Variants in TTBK2 observed in about 807,000 individuals in gnomAD.
The protein encoded by TTBK2 is tau-tubulin kinase 2.
In TTBK2, 28 loss-of-function variants were observed where a neutral mutation model predicts 110.8. The ratio of observed to expected loss-of-function variants is 0.25; its 90% CI spans 0.19 to 0.35. TTBK2 has a LOEUF of 0.35. TTBK2 is among the 10% of genes least tolerant of loss of function. The probability of loss-of-function intolerance (pLI) is 1.00; values close to 1 mark genes in which losing one functional copy is unlikely to be tolerated. For synonymous variants in TTBK2, 532 were observed against 527.3 expected, an observed-to-expected ratio of 1.01 and a Z score of -0.12; for missense variants, 1,369 against 1,500.3, an observed-to-expected ratio of 0.91 and a Z score of 1.45.
At chr15:42,784,110 G>C (rs1478974591) in intron 10 of TTBK2, among the ~76,000 whole-genome samples, 2 of 151,378 alleles carry the variant, frequency 1.3e-5, no homozygotes, top group Admixed American at 6.6e-5. Flanking sequence ...AAAAAACTTA[G>C]GTCATGCCAA....
At position 42,915,350 on chromosome 15, in the gene TTBK2, T is replaced by C. The variant is rs554619027; in HGVS notation, c.-68+5088A>G. Reference sequence around the variant, plus strand: ...CACTGTCTCAGTATAGCAGTGCTTGTGTTCAAGTAACTAACTCTTATTTTA... The same window carrying C: ...CACTGTCTCAGTATAGCAGTGCTTGCGTTCAAGTAACTAACTCTTATTTTA... On this transcript the variant is annotated intron_variant, in intron 1 of 14. Coordinates refer to ENST00000267890, the MANE Select transcript of TTBK2 (RefSeq NM_173500.4). Among the ~76,000 whole-genome samples the C allele has an allele frequency of 3.5e-4, 53 of 152,366 alleles. 1 individual carries two copies. Among genetic ancestry groups the C allele is most frequent in the African/African-American group, 1.3e-3 (52 of 41,594 alleles).
chr15:42,878,629 G>A lies in TTBK2; in HGVS notation c.-12C>T, dbSNP rs370138903. 1 of 1,613,478 alleles carries A rather than the reference G, an allele frequency of 6.2e-7. No individual in the cohort carries two copies. The highest frequency in any genetic ancestry group is 1.3e-5 in the African/African-American group (1 of 74,768). ...CCTCCCCCACTCATTGCAATACACT[G>A]ATATGGTAGAACAGCTACACAGGCA... On this transcript the variant is annotated 5_prime_UTR_variant, in exon 2 of 15. Transcript: ENST00000267890.
intron 13 of TTBK2, among the ~76,000 whole-genome samples, chr15:42,757,632 A>T (rs1015534223): frequency 6.6e-6 from 1 of 152,206 alleles, no homozygotes; most frequent in Non-Finnish European, 1.5e-5. Context: ...AGAGAAAGCT[A>T]ATTCTAAGTG....
At chr15:42,775,896 C>T (rs963433703) in intron 12 of TTBK2, among the ~76,000 whole-genome samples, 173 bp from the exon 13 acceptor site, 1 of 152,186 alleles carries the variant, frequency 6.6e-6, no homozygotes, top group Non-Finnish European at 1.5e-5. Flanking sequence ...CCACATCCTG[C>T]TTTGGAAGAT....
rs34530003 is a variant in TTBK2 at position 42,783,744 on chromosome 15, T to TAAA, written c.981-112_981-110dup. 2.6e-4 allele frequency: 177 copies of TAAA among 678,934 alleles called. 1 individual carries two copies. Among genetic ancestry groups the TAAA allele is most frequent in the Admixed American group, 9.1e-4 (32 of 35,176 alleles). 42.1% of individuals were successfully genotyped at this position (678,934 alleles called of 1,614,324 possible). ...GAACTCCACACATAATTAAGAGAGT[T>TAAA]AAAAAAAAAAAAAAAGCACCTTGAA... On this transcript the variant is annotated intron_variant, in intron 10 of 14. Coordinates refer to ENST00000267890, the MANE Select transcript of TTBK2 (RefSeq NM_173500.4).
chr15:42,834,381 A>G lies in TTBK2; in HGVS notation c.292-4303T>C, dbSNP rs149392654. Among the ~76,000 whole-genome samples the G allele has an allele frequency of 3.7e-4, 56 of 152,332 alleles. 1 individual carries two copies. The East Asian group carries it at 0.011, about 29-fold the overall frequency. On this transcript the variant is annotated intron_variant, in intron 4 of 14. Coordinates refer to ENST00000267890, the MANE Select transcript of TTBK2 (RefSeq NM_173500.4). Reference sequence around the variant, plus strand: ...AAATAATGACCAACTCACTTTCAACAGACACCCACATCATCTAGAATTTGG... The same window carrying G: ...AAATAATGACCAACTCACTTTCAACGGACACCCACATCATCTAGAATTTGG...
chr15:42,920,609 C>A lies in TTBK2; in HGVS notation c.-239G>T. The stretch of plus-strand genomic sequence containing the variant: ...TCCAGGGCCGGCCGGCTGGGTAGTC[C>A]CCTGGGGTACCGTCCGCGTTTACTG... On this transcript the variant is annotated 5_prime_UTR_variant, in exon 1 of 15. Coordinates refer to ENST00000267890, the MANE Select transcript of TTBK2 (RefSeq NM_173500.4). The A allele has an allele frequency of 6.4e-6, 1 of 156,350 alleles. No homozygotes were observed. The highest frequency in any genetic ancestry group is 1.7e-4 in the South Asian group (1 of 5,732). 9.7% of individuals were successfully genotyped at this position (156,350 alleles called of 1,614,324 possible).
chr15:42,900,153 C>A (rs539471735), intron 1 of TTBK2, among the ~76,000 whole-genome samples: 29 of 151,362 alleles, frequency 1.9e-4, no homozygotes, highest in African/African-American at 6.8e-4. Context: ...CCACCACGCC[C>A]GGCCAATTTT....
chr15:42,785,115 A>ATTT (rs199963873), intron 10 of TTBK2, among the ~76,000 whole-genome samples: 15 of 102,194 alleles, frequency 1.5e-4, no homozygotes, highest in African/African-American at 4.8e-4. Flanking sequence ...TCACTTGCAG[A>ATTT]TTTTTTTTTT....
At chr15:42,848,022 T>C (rs924003236) in intron 3 of TTBK2, among the ~76,000 whole-genome samples, 17 of 152,266 alleles carry the variant, frequency 1.1e-4, no homozygotes, top group Non-Finnish European at 1.9e-4. Flanking sequence ...TATTTTTTTT[T>C]CTTAGTTTAT....
chr15:42,900,476 T>C (rs1317384817), intron 1 of TTBK2, among the ~76,000 whole-genome samples: 1 of 151,848 alleles, frequency 6.6e-6, no homozygotes, highest in Non-Finnish European at 1.5e-5. Flanking sequence ...CCCAGGAGTT[T>C]AGGAGGCTGA....
At chr15:42,823,201 G>A (rs1165064007) in intron 6 of TTBK2, among the ~76,000 whole-genome samples, 1 of 152,192 alleles carries the variant, frequency 6.6e-6, no homozygotes, top group East Asian at 1.9e-4. Flanking sequence ...CACTCCAAGA[G>A]CTTAGACACA....
In TTBK2 at chr15:42,875,526, T is replaced by G. The variant is rs1894783775; in HGVS notation, c.70-2768A>C. ...TTTTCATCAACAGAATAGGGCAAAG[T>G]GACACTGTGCCAGCTCTGAGGATTG... is the stretch of plus-strand genomic sequence containing the variant. On this transcript the variant is annotated intron_variant, in intron 2 of 14. Coordinates refer to ENST00000267890, the MANE Select transcript of TTBK2 (RefSeq NM_173500.4). Among the ~76,000 whole-genome samples the G allele has an allele frequency of 2.0e-5, 3 of 152,010 alleles. No homozygotes were observed. The South Asian group carries it at 6.2e-4, about 32-fold the overall frequency.
chr15:42,850,889 A>C (rs1405483075), intron 3 of TTBK2, among the ~76,000 whole-genome samples: 2 of 151,990 alleles, frequency 1.3e-5, no homozygotes, highest in Admixed American at 6.6e-5. Context: ...AAAGTGTGAG[A>C]AAAAAGAAGC....
intron 1 of TTBK2, among the ~76,000 whole-genome samples, chr15:42,890,955 G>A (rs1451259476): frequency 6.6e-6 from 1 of 152,136 alleles, no homozygotes; most frequent in Middle Eastern, 3.4e-3. Context: ...TGCAACCTCT[G>A]CCTCCAGGGT....
At chr15:42,808,505 GTTTA>G (rs1891574788) in intron 9 of TTBK2, among the ~76,000 whole-genome samples, 1 of 151,356 alleles carries the variant, frequency 6.6e-6, no homozygotes, top group African/African-American at 2.4e-5. Context: ...GCTGGAGGAG[GTTTA>G]TTGTTTTTTT....
intron 3 of TTBK2, among the ~76,000 whole-genome samples, chr15:42,870,967 C>CA (rs112852552): frequency 4.9e-4 from 75 of 152,044 alleles, no homozygotes; most frequent in African/African-American, 1.7e-3. Flanking sequence ...CTTTTCCTTA[C>CA]ATTCAGCCTT....
chr15:42,894,697 T>C (rs1895597389), intron 1 of TTBK2, among the ~76,000 whole-genome samples: 2 of 152,136 alleles, frequency 1.3e-5, no homozygotes, highest in Admixed American at 1.3e-4. Flanking sequence ...AAGGTTGCAG[T>C]AAGCCAAGAT....
chr15:42,803,257 T>C (rs1441889754), intron 9 of TTBK2, among the ~76,000 whole-genome samples: 1 of 152,208 alleles, frequency 6.6e-6, no homozygotes, highest in East Asian at 1.9e-4. Flanking sequence ...AGCGTGTTAT[T>C]GTACTGAATA....
Sources: allele counts gnomAD v4.1 joint callset (sites outside exome capture counted in the v4.1 genomes callset), GRCh38; gene constraint gnomAD v4.1.1; transcripts MANE v1.5; gene names NCBI Gene and HGNC (gene_info 2026-07-23, HGNC 2026-07-21).